Variants in RNF24 observed in about 807,000 individuals in gnomAD.
RNF24 encodes the protein ring finger protein 24.
A neutral mutation model predicts 20.0 loss-of-function variants in RNF24; 14 were observed. That is an observed-to-expected ratio of 0.70 (90% CI 0.46 to 1.10). RNF24 has a LOEUF of 1.10. RNF24 is among the 50% of genes least tolerant of loss of function. The pLI, the probability that RNF24 is intolerant of heterozygous loss-of-function variation, is 0.00. For missense variants in RNF24, 124 were observed against 177.6 expected, an observed-to-expected ratio of 0.70 and a Z score of 1.71; for synonymous variants, 45 against 61.1, an observed-to-expected ratio of 0.74 and a Z score of 1.23.
At chr20:3,942,428 C>A (rs2090968025) in intron 4 of RNF24, among the ~76,000 whole-genome samples, 1 of 151,824 alleles carries the variant, frequency 6.6e-6, no homozygotes, top group African/African-American at 2.4e-5. Context: ...CTCAGCCTCC[C>A]AAAAAGTTGG....
chr20:3,947,914 C>T (rs1307633144), intron 3 of RNF24, among the ~76,000 whole-genome samples: 2 of 151,922 alleles, frequency 1.3e-5, no homozygotes, highest in East Asian at 1.9e-4. Flanking sequence ...GGCGTGGTGG[C>T]GCATGCCTGT....
At chr20:3,989,260 G>A (rs1402211696) in intron 1 of RNF24, among the ~76,000 whole-genome samples, 1 of 152,142 alleles carries the variant, frequency 6.6e-6, no homozygotes, top group Non-Finnish European at 1.5e-5. Flanking sequence ...AGGAGGCCGA[G>A]GCAGGCGGAT....
intron 1 of RNF24, among the ~76,000 whole-genome samples, chr20:3,985,900 G>A (rs900110693): frequency 5.3e-5 from 8 of 151,812 alleles, no homozygotes; most frequent in African/African-American, 1.7e-4. Flanking sequence ...CACCACGCCC[G>A]GCTAATTTTG....
intron 1 of RNF24, among the ~76,000 whole-genome samples, chr20:4,002,959 AT>A (rs1394382289): frequency 6.6e-6 from 1 of 151,820 alleles, no homozygotes; most frequent in African/African-American, 2.4e-5. Flanking sequence ...AATGCTTTGA[AT>A]TTTTCTTTTT....
intron 1 of RNF24, among the ~76,000 whole-genome samples, chr20:3,985,418 A>G (rs954756076): frequency 1.3e-5 from 2 of 151,874 alleles, no homozygotes; most frequent in African/African-American, 4.8e-5. Context: ...TTCCCTGATC[A>G]GTTCCTTTTA....
intron 1 of RNF24, among the ~76,000 whole-genome samples, chr20:3,994,203 T>A (rs1600705424): frequency 6.6e-6 from 1 of 152,192 alleles, no homozygotes; most frequent in African/African-American, 2.4e-5. Flanking sequence ...GCTAGGTCTA[T>A]GAGATAATCA....
chr20:3,965,322 A>G (rs1395332457), intron 1 of RNF24, among the ~76,000 whole-genome samples: 1 of 152,208 alleles, frequency 6.6e-6, no homozygotes, highest in Non-Finnish European at 1.5e-5. Flanking sequence ...TTCCCAGAAG[A>G]GTATATTTAT....
intron 4 of RNF24, among the ~76,000 whole-genome samples, chr20:3,935,686 C>G (rs2090882160): frequency 6.6e-6 from 1 of 152,248 alleles, no homozygotes. Context: ...AATGACTAGT[C>G]TCCATGGCTT....
chr20:4,013,486 T>C lies in RNF24; in HGVS notation c.-8+1951A>G, dbSNP rs1449269678. Among the ~76,000 whole-genome samples, 10 of 152,298 alleles carry C rather than the reference T, an allele frequency of 6.6e-5. No homozygotes were observed. In the East Asian group the frequency reaches 1.5e-3, roughly 23 times the overall value. On this transcript the variant is annotated intron_variant, in intron 1 of 5. Coordinates refer to ENST00000358395, the MANE Select transcript of RNF24 (RefSeq NM_001134337.3). Reference sequence around the variant, plus strand: ...TTGAATCCAAAGATCATAATAAAAATAGCTTTTTTTTCAGACGGAGTTTCG... The same window carrying C: ...TTGAATCCAAAGATCATAATAAAAACAGCTTTTTTTTCAGACGGAGTTTCG...
intron 3 of RNF24, among the ~76,000 whole-genome samples, 186 bp from the exon 4 acceptor site, chr20:3,945,404 A>G (rs1161032736): frequency 6.6e-6 from 1 of 152,150 alleles, no homozygotes; most frequent in East Asian, 1.9e-4. Context: ...TTGAGCAATG[A>G]TGCAATATTC....
chr20:3,942,940 C>T (rs541814355), intron 4 of RNF24, among the ~76,000 whole-genome samples: 8 of 152,132 alleles, frequency 5.3e-5, no homozygotes, highest in African/African-American at 1.7e-4. Flanking sequence ...CTTAGCCTTC[C>T]GAGTAGCTGG....
At position 4,007,391 on chromosome 20, in the gene RNF24, C is replaced by A. The variant is rs558903834; in HGVS notation, c.-8+8046G>T. Among the ~76,000 whole-genome samples, 4 of 152,126 alleles carry A rather than the reference C, an allele frequency of 2.6e-5. No individual in the cohort carries two copies. The South Asian group carries it at 8.3e-4, about 32-fold the overall frequency. On this transcript the variant is annotated intron_variant, in intron 1 of 5. Coordinates refer to ENST00000358395, the MANE Select transcript of RNF24 (RefSeq NM_001134337.3). ...TACTTCGTACTGCTACATATATTTA[C>A]CCTCCCAGCTAGCTAGTAGATGAAA...
At chr20:3,936,385 C>A (rs1024410945) in intron 4 of RNF24, among the ~76,000 whole-genome samples, 4 of 152,182 alleles carry the variant, frequency 2.6e-5, no homozygotes, top group Admixed American at 6.5e-5. Context: ...CATGGCCTGT[C>A]CCACCCTACA....
intron 1 of RNF24, among the ~76,000 whole-genome samples, chr20:3,986,815 A>C (rs1156482814): frequency 6.6e-6 from 1 of 150,710 alleles, no homozygotes; most frequent in Non-Finnish European, 1.5e-5. Flanking sequence ...TGCCCAGCTA[A>C]TTTTTTTGCA....
In RNF24 at chr20:3,930,030, A is replaced by ATGTG. The variant is rs1740794543; in HGVS notation, c.*4032_*4033insCACA. On this transcript the variant is annotated 3_prime_UTR_variant, in exon 6 of 6. Transcript: ENST00000358395. ...ACATGAGTAGAAAAGGAGAAAAATT[A>ATGTG]TATAGACACACATACACATGTGTGT... 1 of 152,230 alleles carries ATGTG rather than the reference A, an allele frequency of 6.6e-6. No individual in the cohort carries two copies. The highest frequency in any genetic ancestry group is 6.5e-5 in the Admixed American group (1 of 15,286). 9.4% of individuals were successfully genotyped at this position (152,230 alleles called of 1,614,324 possible).
intron 1 of RNF24, among the ~76,000 whole-genome samples, chr20:3,986,033 G>T (rs1033338103): frequency 1.3e-5 from 2 of 152,006 alleles, no homozygotes; most frequent in Admixed American, 1.3e-4. Context: ...GATTACAAGC[G>T]TGAGCCACCA....
At chr20:4,001,191 C>T (rs1555802363) in intron 1 of RNF24, among the ~76,000 whole-genome samples, 3 of 152,088 alleles carry the variant, frequency 2.0e-5, no homozygotes, top group South Asian at 2.1e-4. Flanking sequence ...TGCTTGAACC[C>T]GGGAGGCAGA....
At chr20:3,949,887 CTGAG>C (rs1018395034) in intron 2 of RNF24, among the ~76,000 whole-genome samples, 55 of 152,222 alleles carry the variant, frequency 3.6e-4, no homozygotes, top group Middle Eastern at 3.4e-3. Context: ...AGATATTCTC[CTGAG>C]TATGTTGTGA....
chr20:3,953,621 C>T (rs112343732), intron 2 of RNF24, among the ~76,000 whole-genome samples: 3,204 of 151,824 alleles, frequency 0.021, 126 homozygotes, highest in African/African-American at 0.074. Context: ...CATGCCACCA[C>T]GCCCGGCTAA....
Sources: allele counts gnomAD v4.1 joint callset (sites outside exome capture counted in the v4.1 genomes callset), GRCh38; gene constraint gnomAD v4.1.1; transcripts MANE v1.5; gene names NCBI Gene and HGNC (gene_info 2026-07-23, HGNC 2026-07-21).